The following UST variants were observed in gnomAD, a reference collection of about 807,000 sequenced individuals.
UST encodes the protein chondroitin sulfate 2-O-sulfotransferase.
Under a neutral mutation model 45.6 loss-of-function variants are expected in UST, and 21 were observed. That is an observed-to-expected ratio of 0.46 (90% CI 0.33 to 0.66). The LOEUF (loss-of-function observed/expected upper bound fraction) is 0.66, where lower values mean the gene tolerates loss of function less well. Among genes scored for constraint, UST ranks in the 30% least tolerant of loss-of-function variants. The pLI is 0.02. For synonymous variants in UST, 215 were observed against 200.6 expected (o/e 1.07, Z -0.61); for missense variants, 463 against 512.4 (o/e 0.90, Z 0.93).
At chr6:148,994,409 T>C (rs955871520) in intron 5 of UST, among the ~76,000 whole-genome samples, 5 of 152,228 alleles carry the variant, frequency 3.3e-5, no homozygotes, top group Non-Finnish European at 5.9e-5. Flanking sequence ...GTTCTGATAG[T>C]GGAAAACTGC....
chr6:148,837,219 C>A (rs1458972085), intron 1 of UST, among the ~76,000 whole-genome samples: 1 of 151,682 alleles, frequency 6.6e-6, no homozygotes, highest in Non-Finnish European at 1.5e-5. Context: ...TAATTCATGT[C>A]AAAAAAAATG....
At chr6:148,836,380 CCAAA>C (rs1227197485) in intron 1 of UST, among the ~76,000 whole-genome samples, 1 of 152,138 alleles carries the variant, frequency 6.6e-6, no homozygotes, top group Non-Finnish European at 1.5e-5. Context: ...TCACAAAAAC[CCAAA>C]CAAACACAAA....
intron 7 of UST, among the ~76,000 whole-genome samples, chr6:149,065,084 G>C (rs577526523): frequency 6.6e-6 from 1 of 152,182 alleles, no homozygotes; most frequent in East Asian, 1.9e-4. Context: ...ATCAGAGAAC[G>C]CTCATGGAGT....
chr6:148,954,393 A>G (rs1289737874), intron 4 of UST, among the ~76,000 whole-genome samples: 1 of 152,238 alleles, frequency 6.6e-6, no homozygotes, highest in Non-Finnish European at 1.5e-5. Flanking sequence ...TTTTAATACA[A>G]TCGTGTGCCA....
chr6:148,748,419 G>T lies in UST; in HGVS notation c.247+742G>T, dbSNP rs1775921527. Among the ~76,000 whole-genome samples the T allele has an allele frequency of 8.5e-6, 1 of 117,406 alleles. No individual in the cohort carries two copies. The highest frequency in any genetic ancestry group is 2.1e-4 in the East Asian group (1 of 4,676). The allele number at this position is 117,406 out of a possible 152,430, so 77.0% of individuals were successfully genotyped here. A position where few individuals can be genotyped will look rare whatever the true frequency, so the allele number is the denominator to read the frequency against. Reference sequence around the variant, plus strand: ...AAAACTTGTGTGTGTGTGTGTGTGTGTGTGTGTGTGTGTGTGTGTGTGTGT... The same window carrying T: ...AAAACTTGTGTGTGTGTGTGTGTGTTTGTGTGTGTGTGTGTGTGTGTGTGT... On this transcript the variant is annotated intron_variant, in intron 1 of 7. Coordinates refer to ENST00000367463, the MANE Select transcript of UST (RefSeq NM_005715.3). This position sits in a 1 kb window ranked among gnomAD's most constrained non-coding sequence, Gnocchi z 5.3.
intron 4 of UST, among the ~76,000 whole-genome samples, chr6:148,962,435 G>A (rs889339373): frequency 1.3e-5 from 2 of 152,200 alleles, no homozygotes; most frequent in Non-Finnish European, 2.9e-5. Flanking sequence ...AAAGCATGAA[G>A]CAATTTTGAG....
intron 4 of UST, among the ~76,000 whole-genome samples, chr6:148,961,762 A>G (rs761607980): frequency 3.9e-5 from 6 of 152,282 alleles, no homozygotes; most frequent in Non-Finnish European, 8.8e-5. Context: ...CTCAGCCCCA[A>G]AATGAAATCA....
chr6:149,019,899 G>T (rs1775954611), intron 6 of UST, among the ~76,000 whole-genome samples: 1 of 152,166 alleles, frequency 6.6e-6, no homozygotes, highest in African/African-American at 2.4e-5. Context: ...CTCGTGTGTA[G>T]CAGCCTCCCC....
chr6:148,936,110 T>C (rs1055248531), intron 2 of UST, among the ~76,000 whole-genome samples: 1 of 152,230 alleles, frequency 6.6e-6, no homozygotes, highest in Non-Finnish European at 1.5e-5. Flanking sequence ...AGCTGGGCTT[T>C]CGTGGTTATG....
At chr6:148,833,629 A>G (rs568464721) in intron 1 of UST, among the ~76,000 whole-genome samples, 9 of 152,340 alleles carry the variant, frequency 5.9e-5, no homozygotes, top group Non-Finnish European at 1.3e-4. Flanking sequence ...GTGGTCAGGG[A>G]AATTTAGGTG....
Position 148,887,013 on chromosome 6 carries a change from G to A in UST, c.275G>A (p.Gly92Glu), listed in dbSNP as rs1778924146. 2 of 1,612,750 alleles carry A rather than the reference G, an allele frequency of 1.2e-6. No homozygotes were observed. Among genetic ancestry groups the A allele is most frequent in the Non-Finnish European group, 1.7e-6 (2 of 1,179,470 alleles). Residue 92 changes from glycine (G) to glutamate (E), a missense_variant, in exon 2 of 8, where the codon GGA becomes GAA. Around this residue, in one of 2 missense-constraint regions of UST, gnomAD observed 176 missense variants for 138.3 expected, o/e 1.27. Transcript: ENST00000367463. ...AATTCCACTTACTTGGATGACCATG[G>A]ACCACCTCCTAGTAAGGTAAGATCT... ...LGNSTYLDDH[G>E]PPPSKVLPFP...
chr6:148,858,800 A>T (rs1288529498), intron 1 of UST, among the ~76,000 whole-genome samples: 3 of 152,212 alleles, frequency 2.0e-5, no homozygotes, highest in Non-Finnish European at 4.4e-5. Context: ...TTCCAGCTTC[A>T]TCCATGTCTC....
chr6:148,977,600 A>C (rs1008579752), intron 5 of UST, among the ~76,000 whole-genome samples: 3 of 152,048 alleles, frequency 2.0e-5, no homozygotes, highest in Non-Finnish European at 4.4e-5. Context: ...AGATACAAAA[A>C]AATTAGCCGG....
chr6:148,892,982 C>G (rs574868037), intron 2 of UST, among the ~76,000 whole-genome samples: 2 of 152,114 alleles, frequency 1.3e-5, no homozygotes, highest in East Asian at 3.9e-4. Flanking sequence ...AGTATTTTCT[C>G]TTTTTCTTTG....
chr6:148,872,837 TCTGA>T (rs1778585225), intron 1 of UST, among the ~76,000 whole-genome samples: 1 of 152,162 alleles, frequency 6.6e-6, no homozygotes, highest in Non-Finnish European at 1.5e-5. Flanking sequence ...TTTCTCCCAC[TCTGA>T]CTGTCTTGCC....
At chr6:148,880,037 G>A (rs1044591634) in intron 1 of UST, among the ~76,000 whole-genome samples, 10 of 145,734 alleles carry the variant, frequency 6.9e-5, no homozygotes, top group South Asian at 2.2e-4. Flanking sequence ...TCACTGTGAT[G>A]TCTCCCTCCT....
chr6:148,786,150 A>G (rs538863436), intron 1 of UST, among the ~76,000 whole-genome samples: 2 of 152,264 alleles, frequency 1.3e-5, no homozygotes, highest in East Asian at 3.9e-4. Context: ...TTTGCCTCAA[A>G]GAGTTTCAAC....
chr6:148,968,069 A>G (rs1488357695), intron 5 of UST, among the ~76,000 whole-genome samples: 1 of 152,122 alleles, frequency 6.6e-6, no homozygotes, highest in Non-Finnish European at 1.5e-5. Context: ...CCAGGAGGAG[A>G]ATCCAGACCT....
chr6:149,050,002 G>T (rs12202158), intron 7 of UST, among the ~76,000 whole-genome samples: 45,050 of 151,138 alleles, frequency 0.3, 7,246 homozygotes, highest in Non-Finnish European at 0.36. Flanking sequence ...TATAAAATGT[G>T]TGTAGATTTC....
Sources: allele counts gnomAD v4.1 joint callset (sites outside exome capture counted in the v4.1 genomes callset), GRCh38; gene constraint gnomAD v4.1.1; regional missense constraint gnomAD v4.1.1; non-coding constraint Gnocchi (gnomAD v3.1); transcripts MANE v1.5; gene names NCBI Gene and HGNC (gene_info 2026-07-23, HGNC 2026-07-21).